The following ABLIM1 variants were observed in gnomAD, a reference collection of about 807,000 sequenced individuals.
ABLIM1 encodes the protein actin-binding LIM protein 1.
In ABLIM1, 40 loss-of-function variants were observed where a neutral mutation model predicts 107.0. The ratio of observed to expected loss-of-function variants is 0.37; its 90% CI spans 0.29 to 0.49. ABLIM1 has a LOEUF of 0.49. ABLIM1 is among the 20% of genes least tolerant of loss of function. The pLI is 0.97. For missense variants in ABLIM1, 857 were observed against 1,008.5 expected (o/e 0.85, Z 2.04); for synonymous variants, 357 against 357.3 (o/e 1.00, Z 0.01).
intron 6 of ABLIM1, among the ~76,000 whole-genome samples, chr10:114,523,069 T>G (rs2064006917): frequency 1.3e-5 from 2 of 152,272 alleles, no homozygotes; most frequent in Non-Finnish European, 1.5e-5. Context: ...GAGAATCGCT[T>G]GAACCCAGGA....
chr10:114,690,847 A>G (rs1471932815), intron 1 of ABLIM1, among the ~76,000 whole-genome samples: 1 of 152,074 alleles, frequency 6.6e-6, no homozygotes, highest in Non-Finnish European at 1.5e-5. Context: ...ACACTCAGCT[A>G]ATTTTTGTAT....
chr10:114,745,868 T>TA (rs1392491973), intron 1 of ABLIM1, among the ~76,000 whole-genome samples: 1 of 152,064 alleles, frequency 6.6e-6, no homozygotes, highest in Admixed American at 6.6e-5. Flanking sequence ...GCACCAGAAA[T>TA]ACAATGAAAA....
chr10:114,480,983 A>G (rs990078581), intron 8 of ABLIM1, among the ~76,000 whole-genome samples: 1 of 152,138 alleles, frequency 6.6e-6, no homozygotes, highest in Non-Finnish European at 1.5e-5. Flanking sequence ...TCTTCATGAA[A>G]TCTCTTTGAA....
intron 1 of ABLIM1, among the ~76,000 whole-genome samples, chr10:114,743,677 A>T (rs1321462564): frequency 2.0e-5 from 3 of 152,154 alleles, no homozygotes; most frequent in African/African-American, 7.2e-5. Flanking sequence ...TATTTCAAAA[A>T]CGAAAACCTC....
chr10:114,477,655 G>C (rs912421136), intron 8 of ABLIM1, among the ~76,000 whole-genome samples: 5 of 152,188 alleles, frequency 3.3e-5, no homozygotes, highest in African/African-American at 1.2e-4. Flanking sequence ...GCACCTTCCA[G>C]GGATGAAGAG....
chr10:114,460,274 A>G (rs868846744), intron 12 of ABLIM1, among the ~76,000 whole-genome samples: 7 of 152,130 alleles, frequency 4.6e-5, no homozygotes, highest in Admixed American at 6.5e-5. Flanking sequence ...TTTCCCAAGA[A>G]TGCTGTGAAA....
chr10:114,513,955 A>G (rs955240718), intron 6 of ABLIM1, among the ~76,000 whole-genome samples: 1 of 152,202 alleles, frequency 6.6e-6, no homozygotes, highest in Non-Finnish European at 1.5e-5. Flanking sequence ...TTCACATGAC[A>G]CCATCACTCA....
intron 1 of ABLIM1, among the ~76,000 whole-genome samples, chr10:114,761,432 GCTCTC>G (rs2082743938): frequency 6.6e-6 from 1 of 152,082 alleles, no homozygotes; most frequent in Non-Finnish European, 1.5e-5. Flanking sequence ...TACTGCCCAG[GCTCTC>G]GGCTCAGTCT....
At position 114,465,605 on chromosome 10, in the gene ABLIM1, C is replaced by T. The variant is rs116087603; in HGVS notation, c.1441+93G>A. The stretch of plus-strand genomic sequence containing the variant: ...TGGGAGAGGGATGGAAATGTTTAGT[C>T]GTTGATTTTTCAATGTGCTATCAAT... On this transcript the variant is annotated intron_variant, in intron 12 of 22. Coordinates refer to ENST00000533213, the MANE Select transcript of ABLIM1 (RefSeq NM_002313.7). 3.1e-4 allele frequency: 462 copies of T among 1,480,114 alleles called. No individual in the cohort carries two copies. The African/African-American group carries it at 5.0e-3, about 16-fold the overall frequency. The allele number at this position is 1,480,114 out of a possible 1,614,324, so 91.7% of individuals were successfully genotyped here.
intron 1 of ABLIM1, among the ~76,000 whole-genome samples, chr10:114,742,359 C>G (rs1298380848): frequency 6.6e-6 from 1 of 152,012 alleles, no homozygotes; most frequent in Non-Finnish European, 1.5e-5. Context: ...CTAAAAATGG[C>G]CAAAAGTACA....
intron 1 of ABLIM1, among the ~76,000 whole-genome samples, chr10:114,682,401 G>A (rs1346341544): frequency 1.3e-5 from 2 of 152,114 alleles, no homozygotes; most frequent in East Asian, 1.9e-4. Context: ...TAAAACATCC[G>A]GGAACCAGCT....
chr10:114,539,501 A>G (rs968196425), intron 6 of ABLIM1, among the ~76,000 whole-genome samples: 1 of 152,240 alleles, frequency 6.6e-6, no homozygotes, highest in African/African-American at 2.4e-5. Flanking sequence ...TACCTTTGTA[A>G]ACAGAGACCA....
At chr10:114,457,574 A>G (rs1054505605) in intron 12 of ABLIM1, among the ~76,000 whole-genome samples, 2 of 152,076 alleles carry the variant, frequency 1.3e-5, no homozygotes, top group African/African-American at 4.8e-5. Flanking sequence ...CCTGGCCAAT[A>G]CCCTATTTAA....
intron 2 of ABLIM1, among the ~76,000 whole-genome samples, chr10:114,591,452 G>T (rs2074858880): frequency 1.3e-5 from 2 of 152,036 alleles, no homozygotes; most frequent in South Asian, 2.1e-4. Context: ...ATATTAAATG[G>T]TATAATTAAA....
intron 1 of ABLIM1, among the ~76,000 whole-genome samples, chr10:114,616,578 A>G (rs2140338502): frequency 6.6e-6 from 1 of 152,328 alleles, no homozygotes. Context: ...GTGGCATGAC[A>G]AAGGTGACAA....
intron 1 of ABLIM1, among the ~76,000 whole-genome samples, chr10:114,757,804 A>G (rs1324162556): frequency 6.6e-6 from 1 of 152,084 alleles, no homozygotes; most frequent in African/African-American, 2.4e-5. Context: ...ACTTTCACCT[A>G]ACTCACTTAA....
chr10:114,497,764 C>T (rs7910989), intron 6 of ABLIM1, among the ~76,000 whole-genome samples: 55,675 of 150,928 alleles, frequency 0.37, 11,506 homozygotes, highest in African/African-American at 0.56. Context: ...AAAGACTACA[C>T]TGTGGCTAGC....
At chr10:114,445,575 A>G (rs1242638116) in intron 15 of ABLIM1, among the ~76,000 whole-genome samples, 172 bp from the exon 16 acceptor site, 3 of 152,198 alleles carry the variant, frequency 2.0e-5, no homozygotes, top group Non-Finnish European at 2.9e-5. Flanking sequence ...ACTCAGCACT[A>G]CTGGCTGGTT....
intron 1 of ABLIM1, among the ~76,000 whole-genome samples, chr10:114,651,960 C>T (rs2079268146): frequency 6.6e-6 from 1 of 152,190 alleles, no homozygotes; most frequent in Non-Finnish European, 1.5e-5. Flanking sequence ...CACTACTTTG[C>T]CTCTCAAAGT....
Sources: allele counts gnomAD v4.1 joint callset (sites outside exome capture counted in the v4.1 genomes callset), GRCh38; gene constraint gnomAD v4.1.1; transcripts MANE v1.5; gene names NCBI Gene and HGNC (gene_info 2026-07-23, HGNC 2026-07-21).